SCCPDH: variants seen among roughly 807,000 people sequenced by gnomAD.
The protein encoded by SCCPDH is saccharopine dehydrogenase (putative), also known as saccharopine dehydrogenase-like oxidoreductase.
In SCCPDH, 34 loss-of-function variants were observed where a neutral mutation model predicts 51.5. The ratio of observed to expected loss-of-function variants is 0.66; its 90% CI spans 0.50 to 0.88. The LOEUF (loss-of-function observed/expected upper bound fraction) is 0.88. SCCPDH is among the 40% of genes least tolerant of loss of function. The pLI, the probability that SCCPDH is intolerant of heterozygous loss-of-function variation, is 0.00. For missense variants in SCCPDH, 464 were observed against 527.1 expected, an observed-to-expected ratio of 0.88 and a Z score of 1.17; for synonymous variants, 187 against 191.3, an observed-to-expected ratio of 0.98 and a Z score of 0.19.
chr1:246,763,629 T>A (rs1669049474), intron 9 of SCCPDH, among the ~76,000 whole-genome samples: 1 of 152,206 alleles, frequency 6.6e-6, no homozygotes, highest in Non-Finnish European at 1.5e-5. Context: ...CACATTGTTA[T>A]TTAATCTGTT....
intron 10 of SCCPDH, 151 bp from the exon 11 acceptor site, chr1:246,765,907 G>T: frequency 6.7e-6 from 4 of 597,424 alleles, no homozygotes; most frequent in Non-Finnish European, 1.2e-5. Flanking sequence ...AAATACTTTC[G>T]ATATGTTATT....
intron 5 of SCCPDH, among the ~76,000 whole-genome samples, chr1:246,749,462 T>C (rs966591755): frequency 6.6e-6 from 1 of 152,128 alleles, no homozygotes; most frequent in Admixed American, 6.5e-5. Flanking sequence ...ATGAAGTACA[T>C]TTCAAAGGAT....
intron 11 of SCCPDH, 106 bp downstream of exon 11, chr1:246,766,245 G>A (rs754930688): frequency 3.2e-4 from 248 of 765,318 alleles, no homozygotes; most frequent in Non-Finnish European, 4.4e-4. Context: ...AGCATTTATA[G>A]TTCAGTTCCT....
At chr1:246,764,489 A>T in intron 10 of SCCPDH, 132 bp downstream of exon 10, 1 of 502,424 alleles carries the variant, frequency 2.0e-6, no homozygotes, top group Non-Finnish European at 3.4e-6. Flanking sequence ...AAGTAACTTA[A>T]AATTATTCTG....
At chr1:246,754,804 C>A (rs1039299205) in intron 5 of SCCPDH, among the ~76,000 whole-genome samples, 9 of 152,122 alleles carry the variant, frequency 5.9e-5, no homozygotes, top group African/African-American at 2.2e-4. Flanking sequence ...CTCTTTTATT[C>A]CTGATTTTAG....
At chr1:246,758,993 AATTG>A in intron 6 of SCCPDH, 37 bp from the exon 7 acceptor site, 2 of 1,116,384 alleles carry the variant, frequency 1.8e-6, no homozygotes, top group Middle Eastern at 3.9e-4. Flanking sequence ...CCAAAGTTGT[AATTG>A]CAGGAAATGC....
chr1:246,746,733 C>T (rs1373879747), intron 5 of SCCPDH, among the ~76,000 whole-genome samples: 2 of 152,114 alleles, frequency 1.3e-5, no homozygotes, highest in East Asian at 1.9e-4. Flanking sequence ...CCCAGCTACT[C>T]GGGTCATGGA....
At chr1:246,754,740 C>G (rs1668905353) in intron 5 of SCCPDH, among the ~76,000 whole-genome samples, 1 of 152,218 alleles carries the variant, frequency 6.6e-6, no homozygotes, top group Admixed American at 6.5e-5. Context: ...ATACACTTTT[C>G]ATAGTATTCC....
Position 246,759,029 on chromosome 1 carries a change from TG to T in SCCPDH, c.696-4del. The T allele has an allele frequency of 6.7e-7, 1 of 1,490,570 alleles. No homozygotes were observed. The highest frequency in any genetic ancestry group is 9.4e-7 in the Non-Finnish European group (1 of 1,067,820). The allele number at this position is 1,490,570 out of a possible 1,614,324, so 92.3% of individuals were successfully genotyped here. A position where few individuals can be genotyped will look rare whatever the true frequency, so the allele number is the denominator to read the frequency against. On this transcript the variant is annotated splice_polypyrimidine_tract_variant and splice_region_variant and intron_variant, in intron 6 of 11. Transcript: ENST00000366510. ...ATGCAAAATATTCATAGGTCTGTCT[TG>T]CAGGTGGCCAATTTCTTATTGTCGG...
Position 246,726,967 on chromosome 1 carries a change from C to T in SCCPDH, c.266C>T (p.Ala89Val). The change falls in exon 2 of 12, where the codon GCT becomes GTT. Residue 89 changes from alanine to valine, a missense_variant. Physicochemically the swap from Ala to Val is moderately conservative, Grantham distance 64. Transcript: ENST00000366510. ...AATCCAGCCTCGCTTGATGAAATGGCTAAACAGGCAACAGTTGTCCTCAAT... is the reference window on the plus strand; with the variant it reads ...AATCCAGCCTCGCTTGATGAAATGGTTAAACAGGCAACAGTTGTCCTCAAT... ...IANPASLDEMAKQATVVLNCV... is the reference protein window; with the variant it reads ...IANPASLDEMVKQATVVLNCV... The T allele has an allele frequency of 6.2e-7, 1 of 1,613,984 alleles. No homozygotes were observed. The highest frequency in any genetic ancestry group is 1.1e-5 in the South Asian group (1 of 91,082).
intron 5 of SCCPDH, among the ~76,000 whole-genome samples, chr1:246,746,104 T>A (rs1668755286): frequency 1.2e-5 from 1 of 85,474 alleles, no homozygotes. Context: ...CGAGACTCCA[T>A]CTCAAAAAAA....
chr1:246,757,344 CAAA>C (rs10649597), intron 5 of SCCPDH, among the ~76,000 whole-genome samples: 1 of 77,440 alleles, frequency 1.3e-5, no homozygotes. Flanking sequence ...GACTCTGTCT[CAAA>C]AAAAAAAAAA....
chr1:246,727,154 G>T, intron 2 of SCCPDH, 150 bp downstream of exon 2: 1 of 637,212 alleles, frequency 1.6e-6, no homozygotes, highest in Non-Finnish European at 2.7e-6. Flanking sequence ...AGGAGCAGCT[G>T]GAGATGACCA....
chr1:246,766,167 G>T (rs912916559), intron 11 of SCCPDH, 28 bp downstream of exon 11: 2 of 1,477,294 alleles, frequency 1.4e-6, no homozygotes, highest in Middle Eastern at 1.7e-4. Context: ...CCAATTAGAA[G>T]ATCTTTTTTA....
At chr1:246,741,793 A>T (rs1329581240) in intron 4 of SCCPDH, among the ~76,000 whole-genome samples, 1 of 152,022 alleles carries the variant, frequency 6.6e-6, no homozygotes, top group Non-Finnish European at 1.5e-5. Flanking sequence ...AGGGCTGGGC[A>T]CGGTGGCTCA....
At chr1:246,733,491 TACAC>T (rs57989437) in intron 2 of SCCPDH, among the ~76,000 whole-genome samples, 59 of 148,862 alleles carry the variant, frequency 4.0e-4, no homozygotes, top group South Asian at 4.3e-4. Context: ...TCATATTTTA[TACAC>T]ACACACACAC....
intron 9 of SCCPDH, among the ~76,000 whole-genome samples, chr1:246,764,033 C>T (rs992939438): frequency 2.0e-5 from 3 of 152,106 alleles, no homozygotes; most frequent in Non-Finnish European, 2.9e-5. Context: ...TTACCACTCC[C>T]CTTCCCCCCA....
intron 1 of SCCPDH, 38 bp from the exon 2 acceptor site, chr1:246,726,854 A>G (rs757778043): frequency 1.2e-5 from 16 of 1,373,562 alleles, no homozygotes; most frequent in Non-Finnish European, 1.6e-5. Context: ...ATAATCCTCT[A>G]CTGGGATTTA....
intron 2 of SCCPDH, among the ~76,000 whole-genome samples, chr1:246,731,530 G>T (rs1668489631): frequency 6.6e-6 from 1 of 152,198 alleles, no homozygotes; most frequent in Admixed American, 6.5e-5. Flanking sequence ...CAGAATGAAG[G>T]GAGGGTGCTC....
Sources: allele counts gnomAD v4.1 joint callset (sites outside exome capture counted in the v4.1 genomes callset), GRCh38; gene constraint gnomAD v4.1.1; transcripts MANE v1.5; gene names NCBI Gene and HGNC (gene_info 2026-07-23, HGNC 2026-07-21).